CACNA1H: variants seen among roughly 807,000 people sequenced by gnomAD.
The protein encoded by CACNA1H is calcium voltage-gated channel subunit alpha1 H.
Under a neutral mutation model 192.5 loss-of-function variants are expected in CACNA1H, and 149 were observed. The ratio of observed to expected loss-of-function variants is 0.77; its 90% CI spans 0.68 to 0.89. The LOEUF (loss-of-function observed/expected upper bound fraction) is 0.89, where lower values mean the gene tolerates loss of function less well. Ranked by LOEUF, CACNA1H falls within the 40% of genes least tolerant of loss-of-function variation. The pLI, the probability that CACNA1H is intolerant of heterozygous loss-of-function variation, is 0.00. For synonymous variants in CACNA1H, 2,202 were observed against 1,475.2 expected, an observed-to-expected ratio of 1.49 and a Z score of -11.29; for missense variants, 4,257 against 3,423.5, an observed-to-expected ratio of 1.24 and a Z score of -6.08.
intron 11 of CACNA1H, 122 bp from the exon 12 acceptor site, chr16:1,205,982 C>T: frequency 5.7e-6 from 5 of 872,020 alleles, no homozygotes; most frequent in South Asian, 1.8e-5. Flanking sequence ...ATACCCTCTC[C>T]CATCTGTGGG....
chr16:1,200,568 C>G lies in CACNA1H; in HGVS notation c.1116C>G (p.Phe372Leu). 6.2e-7 allele frequency: 1 copy of G among 1,611,720 alleles called. No homozygotes were observed. The highest frequency in any genetic ancestry group is 8.5e-7 in the Non-Finnish European group (1 of 1,179,644). Residue 372 changes from phenylalanine (F) to leucine (L), a missense_variant, in exon 7 of 35, where the codon TTC becomes TTG. Transcript: ENST00000348261. ...DNIGYAWIAI[F>L]QVITLEGWVD... ...TCGGCTACGCCTGGATTGCCATCTT[C>G]CAGGTGGGCGGCAAGATGGTGGGAC...
In CACNA1H at chr16:1,209,192, C is replaced by T; in HGVS notation, c.3524C>T (p.Thr1175Ile). The change falls in exon 17 of 35, where the codon ACC (threonine) becomes ATC (isoleucine). Residue 1175 changes from threonine (T) to isoleucine (I), a missense_variant. Transcript: ENST00000348261. Reference sequence around the variant, plus strand: ...CTGTCTGGCGAGGGCAAGGGCAGCACCGACGACGAAGCTGAGGACGGCAGG... The same window carrying T: ...CTGTCTGGCGAGGGCAAGGGCAGCATCGACGACGAAGCTGAGGACGGCAGG... ...SLLSGEGKGS[T>I]DDEAEDGRAA... 1 of 1,552,594 alleles carries T rather than the reference C, an allele frequency of 6.4e-7. No individual in the cohort carries two copies. The highest frequency in any genetic ancestry group is 8.7e-7 in the Non-Finnish European group (1 of 1,149,244).
chr16:1,187,044 G>A (rs987174071), intron 2 of CACNA1H, among the ~76,000 whole-genome samples: 1 of 152,258 alleles, frequency 6.6e-6, no homozygotes, highest in Non-Finnish European at 1.5e-5. Flanking sequence ...CTTCCTCTGC[G>A]GCAGAGGCGA....
intron 6 of CACNA1H, among the ~76,000 whole-genome samples, chr16:1,199,563 A>G (rs954128093): frequency 2.5e-4 from 35 of 141,988 alleles, no homozygotes; most frequent in African/African-American, 9.0e-4. Flanking sequence ...CCAACACTTC[A>G]TCCCCTCCCC....
At chr16:1,161,272 TAATG>T (rs976650673) in intron 2 of CACNA1H, among the ~76,000 whole-genome samples, 1 of 152,176 alleles carries the variant, frequency 6.6e-6, no homozygotes, top group Non-Finnish European at 1.5e-5. Flanking sequence ...ATGTTGGCAT[TAATG>T]AACGCTGTCA....
At position 1,221,734 on chromosome 16, in the gene CACNA1H, G is replaced by A. The variant is rs1184761882; in HGVS notation, c.*740G>A. 9 of 1,486,520 alleles carry A rather than the reference G, an allele frequency of 6.1e-6. No individual in the cohort carries two copies. The highest frequency in any genetic ancestry group is 7.3e-6 in the Non-Finnish European group (8 of 1,102,888). 92.1% of individuals were successfully genotyped at this position (1,486,520 alleles called of 1,614,324 possible). ...TCAGCTTCTCAAGGGAGAGGGAGGG[G>A]GCGGAGCGGAATAAATAGTAACTTA... On this transcript the variant is annotated 3_prime_UTR_variant, in exon 35 of 35. Transcript: ENST00000348261.
chr16:1,219,956 T>C, intron 34 of CACNA1H, 25 bp from the exon 35 acceptor site: 1 of 1,274,216 alleles, frequency 7.8e-7, no homozygotes, highest in South Asian at 3.5e-5. Flanking sequence ...GCCCCGCCCC[T>C]CACTTTGACT....
At chr16:1,215,498 G>A (rs781009000) in intron 29 of CACNA1H, 25 bp from the exon 30 acceptor site, 3 of 1,608,026 alleles carry the variant, frequency 1.9e-6, no homozygotes, top group South Asian at 2.2e-5. Flanking sequence ...GCCCAGCCCT[G>A]CTGACGCTCA....
intron 5 of CACNA1H, among the ~76,000 whole-genome samples, chr16:1,197,501 G>C (rs1171127110): frequency 1.3e-5 from 2 of 152,226 alleles, no homozygotes; most frequent in African/African-American, 2.4e-5. Flanking sequence ...GTCTCTAGGA[G>C]AGAACTAGGG....
intron 2 of CACNA1H, among the ~76,000 whole-genome samples, chr16:1,183,558 G>C (rs961697664): frequency 1.6e-4 from 24 of 152,340 alleles, no homozygotes; most frequent in Admixed American, 1.1e-3. Flanking sequence ...TTCCCACCCA[G>C]TTCCCTCCCG....
rs1207672675 is a variant in CACNA1H at position 1,218,219 on chromosome 16, C to T, written c.5455C>T (p.Arg1819Cys). Residue 1819 changes from arginine (R) to cysteine (C), a missense_variant, in exon 33 of 35, where the codon CGC becomes TGC. Physicochemically the swap from Arg to Cys is radical, Grantham distance 180. Coordinates refer to ENST00000348261, the MANE Select transcript of CACNA1H (RefSeq NM_021098.3). Reference sequence around the variant, plus strand: ...CTGTCCCCCACCGCAGGACACGCTGCGCGAGTGCTCCCGTGAGGACAAGCA... The same window carrying T: ...CTGTCCCCCACCGCAGGACACGCTGTGCGAGTGCTCCCGTGAGGACAAGCA... Reference protein sequence around the residue: ...NWNGIMKDTLRECSREDKHCL... With the variant: ...NWNGIMKDTLCECSREDKHCL... The T allele has an allele frequency of 1.9e-6, 3 of 1,549,384 alleles. No homozygotes were observed. The highest frequency in any genetic ancestry group is 2.7e-5 in the African/African-American group (2 of 73,164).
At chr16:1,218,757 G>A (rs1360277365) in intron 33 of CACNA1H, 106 bp downstream of exon 33, 5 of 1,265,646 alleles carry the variant, frequency 4.0e-6, no homozygotes, top group African/African-American at 3.0e-5. Flanking sequence ...AGGGCAAGAG[G>A]AAGGATGGGC....
Position 1,200,477 on chromosome 16 carries a change from A to G in CACNA1H, c.1025A>G (p.Gln342Arg), listed in dbSNP as rs1171167857. The stretch of plus-strand genomic sequence containing the variant: ...CGCAACGCCTGCATCAACTGGAACC[A>G]GTACTACAACGTGTGCCGCTCGGGT... ...AARNACINWN[Q>R]YYNVCRSGDS... Residue 342 changes from glutamine (Q) to arginine (R), a missense_variant, in exon 7 of 35, where the codon CAG becomes CGG. Physicochemically the swap from Gln to Arg is conservative, Grantham distance 43. Transcript: ENST00000348261. 10 of 1,612,150 alleles carry G rather than the reference A, an allele frequency of 6.2e-6. No individual in the cohort carries two copies. The highest frequency in any genetic ancestry group is 8.5e-6 in the Non-Finnish European group (10 of 1,179,690).
At position 1,218,220 on chromosome 16, in the gene CACNA1H, G is replaced by T; in HGVS notation, c.5456G>T (p.Arg1819Leu). 4 of 1,549,488 alleles carry T rather than the reference G, an allele frequency of 2.6e-6. No homozygotes were observed. The highest frequency in any genetic ancestry group is 3.5e-6 in the Non-Finnish European group (4 of 1,146,674). The change falls in exon 33 of 35, where the codon CGC becomes CTC. Residue 1819 changes from arginine (R) to leucine (L), a missense_variant. Physicochemically the swap from Arg to Leu is moderately radical, Grantham distance 102. Coordinates refer to ENST00000348261, the MANE Select transcript of CACNA1H (RefSeq NM_021098.3). ...NWNGIMKDTLRECSREDKHCL... is the reference protein window; with the variant it reads ...NWNGIMKDTLLECSREDKHCL... ...TGTCCCCCACCGCAGGACACGCTGCGCGAGTGCTCCCGTGAGGACAAGCAC... is the reference window on the plus strand; with the variant it reads ...TGTCCCCCACCGCAGGACACGCTGCTCGAGTGCTCCCGTGAGGACAAGCAC...
chr16:1,154,652 AGGGTAGGGG>A (rs1962060550), intron 2 of CACNA1H, among the ~76,000 whole-genome samples: 2 of 152,072 alleles, frequency 1.3e-5, no homozygotes, highest in African/African-American at 4.8e-5. Flanking sequence ...GCGCAGCTGA[AGGGTAGGGG>A]GCAGGGAGGC....
intron 2 of CACNA1H, among the ~76,000 whole-genome samples, chr16:1,183,463 T>G (rs1373741367): frequency 1.3e-5 from 2 of 152,088 alleles, no homozygotes; most frequent in African/African-American, 2.4e-5. Flanking sequence ...GGCAGCGGCC[T>G]CCGGGGAAGG....
intron 14 of CACNA1H, 61 bp from the exon 15 acceptor site, chr16:1,207,709 G>C: frequency 7.0e-7 from 1 of 1,426,398 alleles, no homozygotes; most frequent in Non-Finnish European, 9.7e-7. Flanking sequence ...ACTTCTGTCC[G>C]GCATGAAGGG....
In CACNA1H at chr16:1,213,761, A is replaced by G; in HGVS notation, c.4778-19A>G. On this transcript the variant is annotated intron_variant, in intron 26 of 34. Coordinates refer to ENST00000348261, the MANE Select transcript of CACNA1H (RefSeq NM_021098.3). ...CGGGCGGCCCTCCTGCCCGGCGCTC[A>G]TGGCCGCCCTCCCCGCAGAGGCCCA... 1 of 1,521,754 alleles carries G rather than the reference A, an allele frequency of 6.6e-7. No individual in the cohort carries two copies. The highest frequency in any genetic ancestry group is 8.8e-7 in the Non-Finnish European group (1 of 1,137,836). The allele number at this position is 1,521,754 out of a possible 1,614,324, so 94.3% of individuals were successfully genotyped here. A position where few individuals can be genotyped will look rare whatever the true frequency, so the allele number is the denominator to read the frequency against.
At chr16:1,210,751 C>T (rs773936742) in intron 20 of CACNA1H, 36 bp from the exon 21 acceptor site, 4 of 1,594,822 alleles carry the variant, frequency 2.5e-6, no homozygotes, top group Non-Finnish European at 2.5e-6. Flanking sequence ...ACCCCCCACG[C>T]CTGAGCCTGA....
Sources: gnomAD v4.1 joint callset for allele counts (sites outside exome capture counted in the v4.1 genomes callset) on GRCh38, gnomAD v4.1.1 for gene constraint, MANE v1.5 for transcripts, NCBI Gene and HGNC (gene_info 2026-07-23, HGNC 2026-07-21) for gene names.